The following C8B variants were observed in gnomAD, a reference collection of about 807,000 sequenced individuals.
C8B encodes complement component C8 beta chain.
Under a neutral mutation model 64.6 loss-of-function variants are expected in C8B, and 67 were observed. That is an observed-to-expected ratio of 1.04 (90% CI 0.85 to 1.27). The LOEUF (loss-of-function observed/expected upper bound fraction) is 1.27. Among genes scored for constraint, C8B ranks in the 50% most tolerant of loss-of-function variants. The pLI, the probability that C8B is intolerant of heterozygous loss-of-function variation, is 0.00. For synonymous variants in C8B, 284 were observed against 257.7 expected (o/e 1.10, Z -0.98); for missense variants, 790 against 725.2 (o/e 1.09, Z -1.03).
In C8B at chr1:56,965,825, T is replaced by C. The variant is rs760099916; in HGVS notation, c.92+32A>G. 1.1e-5 allele frequency: 18 copies of C among 1,605,916 alleles called. 1 individual carries two copies. In the South Asian group the frequency reaches 2.0e-4, roughly 18 times the overall value. On this transcript the variant is annotated intron_variant, in intron 1 of 11. Transcript: ENST00000371237. ...GGCTGCACCTTCCCTGTCATATTAT[T>C]GATCAGGGAATTATTGGTAACTGTC...
chr1:56,938,482 ATCT>A (rs1336869015), intron 9 of C8B, among the ~76,000 whole-genome samples: 1 of 152,188 alleles, frequency 6.6e-6, no homozygotes. Context: ...GTATTCTAAA[ATCT>A]TCTTCTATTT....
rs116348786 is a variant in C8B at position 56,940,840 on chromosome 1, G to T, written c.1398+9C>A. 2 of 1,613,836 alleles carry T rather than the reference G, an allele frequency of 1.2e-6. No homozygotes were observed. Among genetic ancestry groups the T allele is most frequent in the Non-Finnish European group, 1.7e-6 (2 of 1,179,948 alleles). ...TGGAGGAAAGGATGGGTAGAGCAGC[G>T]TTGTGTACCTTAACTTTGATGATGG... On this transcript the variant is annotated intron_variant, in intron 9 of 11. Transcript: ENST00000371237.
intron 7 of C8B, 132 bp downstream of exon 7, chr1:56,945,689 A>G (rs1644930050): frequency 8.5e-7 from 1 of 1,169,900 alleles, no homozygotes; most frequent in African/African-American, 1.5e-5. Context: ...TTGTCAATCA[A>G]AAAGAAGAGG....
Position 56,954,775 on chromosome 1 carries a change from G to C in C8B, c.444C>G (p.Asp148Glu), listed in dbSNP as rs151302643. ...LLCNGDNDCG[D>E]QSDEANCRRI... Reference sequence around the variant, plus strand: ...TTCTACAGTTTGCTTCATCTGACTGGTCTCCACAGTCATTGTCCCCATTGC... The same window carrying C: ...TTCTACAGTTTGCTTCATCTGACTGCTCTCCACAGTCATTGTCCCCATTGC... The change falls in exon 4 of 12, where the codon GAC (aspartate) becomes GAG (glutamate). Residue 148 changes from aspartate (D) to glutamate (E), a missense_variant. By Grantham distance (45) the Asp-to-Glu change is conservative (BLOSUM62 2). Transcript: ENST00000371237. 91 of 1,613,714 alleles carry C rather than the reference G, an allele frequency of 5.6e-5. No homozygotes were observed. Among genetic ancestry groups the C allele is most frequent in the Non-Finnish European group, 7.6e-5 (90 of 1,179,790 alleles).
At chr1:56,944,407 C>A (rs1246333663) in intron 7 of C8B, among the ~76,000 whole-genome samples, 1 of 152,164 alleles carries the variant, frequency 6.6e-6, no homozygotes, top group Non-Finnish European at 1.5e-5. Flanking sequence ...TTATAAGCAC[C>A]TCTCTAAGCA....
intron 7 of C8B, among the ~76,000 whole-genome samples, chr1:56,944,416 C>A (rs1473207861): frequency 1.3e-5 from 2 of 152,186 alleles, no homozygotes; most frequent in Non-Finnish European, 2.9e-5. Context: ...CCTCTCTAAG[C>A]ACTCTGAGGC....
chr1:56,963,199 C>T (rs1645202813), intron 1 of C8B, among the ~76,000 whole-genome samples: 1 of 152,148 alleles, frequency 6.6e-6, no homozygotes. Context: ...GTCTCCCACT[C>T]TTTTCCTAAC....
At chr1:56,950,598 T>G (rs1282627402) in intron 5 of C8B, among the ~76,000 whole-genome samples, 1 of 152,134 alleles carries the variant, frequency 6.6e-6, no homozygotes, top group Non-Finnish European at 1.5e-5. Context: ...GTGCAACAGC[T>G]CAGCCGCTAC....
intron 7 of C8B, 37 bp from the exon 8 acceptor site, chr1:56,943,861 G>C (rs1275185190): frequency 1.6e-5 from 26 of 1,611,640 alleles, no homozygotes; most frequent in Non-Finnish European, 2.0e-5. Context: ...TGACGTAAAA[G>C]GTAGTTCACT....
intron 10 of C8B, among the ~76,000 whole-genome samples, chr1:56,932,899 G>A (rs867541979): frequency 4.6e-5 from 7 of 152,180 alleles, no homozygotes; most frequent in Middle Eastern, 6.8e-3. Flanking sequence ...AGGAGCATAA[G>A]ATCCCAGGCT....
Position 56,959,491 on chromosome 1 carries a change from G to A in C8B, c.249+529C>T, listed in dbSNP as rs536850923. 35 of 1,202,752 alleles carry A rather than the reference G, an allele frequency of 2.9e-5. 1 individual carries two copies. The South Asian group carries it at 4.3e-4, about 15-fold the overall frequency. 74.5% of individuals were successfully genotyped at this position (1,202,752 alleles called of 1,614,324 possible). A position where few individuals can be genotyped will look rare whatever the true frequency, so the allele number is the denominator to read the frequency against. ...AGTAGGAGTTTCAAATTGTGAGTAG[G>A]TGTTCACCAGTGAAGGAAGTGGGAA... is the stretch of plus-strand genomic sequence containing the variant. On this transcript the variant is annotated intron_variant, in intron 2 of 11. Coordinates refer to ENST00000371237, the MANE Select transcript of C8B (RefSeq NM_000066.4).
chr1:56,947,721 G>A (rs1018603926), intron 6 of C8B, among the ~76,000 whole-genome samples: 8 of 152,144 alleles, frequency 5.3e-5, no homozygotes, highest in Admixed American at 6.5e-5. Flanking sequence ...CATGAGGTCA[G>A]TAGATCAAGA....
At chr1:56,954,970 G>C (rs955787052) in intron 3 of C8B, 143 bp from the exon 4 acceptor site, 2 of 937,596 alleles carry the variant, frequency 2.1e-6, no homozygotes, top group African/African-American at 3.2e-5. Context: ...TATCCAGATA[G>C]ATTGGTTATG....
At chr1:56,930,965 G>T (rs1422191076) in intron 11 of C8B, among the ~76,000 whole-genome samples, 1 of 152,118 alleles carries the variant, frequency 6.6e-6, no homozygotes, top group Non-Finnish European at 1.5e-5. Flanking sequence ...GCATAAAGAG[G>T]TCAAGTATCT....
Position 56,929,503 on chromosome 1 carries a change from T to C in C8B, c.1677A>G (p.Gly559=). ...NCWSNWSSCS[G]RRKTRQRQCN... is the part of the protein sequence containing the mutation. ...ACTGCCTTTGTCTTGTCTTACGTCT[T>C]CCAGAGCATGAAGACCAATTTGACC... is the stretch of plus-strand genomic sequence containing the variant. The change falls in exon 12 of 12, where the codon GGA becomes GGG. Residue 559 remains glycine (G), a synonymous_variant. Coordinates refer to ENST00000371237, the MANE Select transcript of C8B (RefSeq NM_000066.4). The C allele has an allele frequency of 1.2e-6, 2 of 1,613,836 alleles. No individual in the cohort carries two copies. Among genetic ancestry groups the C allele is most frequent in the South Asian group, 2.2e-5 (2 of 91,068 alleles).
intron 8 of C8B, among the ~76,000 whole-genome samples, chr1:56,941,893 C>A (rs947198024): frequency 6.6e-6 from 1 of 152,244 alleles, no homozygotes; most frequent in African/African-American, 2.4e-5. Context: ...ACCCTACACA[C>A]CTTGACCAGG....
intron 1 of C8B, among the ~76,000 whole-genome samples, chr1:56,961,185 G>A (rs1417051898): frequency 2.0e-5 from 3 of 152,154 alleles, no homozygotes; most frequent in African/African-American, 7.2e-5. Context: ...AAGTGTGTAT[G>A]ATGATTCTTA....
intron 9 of C8B, among the ~76,000 whole-genome samples, chr1:56,940,412 A>G (rs968564746): frequency 3.3e-5 from 5 of 151,910 alleles, no homozygotes; most frequent in African/African-American, 9.7e-5. Flanking sequence ...AAAAAAAAAA[A>G]AAATTTAATT....
At chr1:56,937,894 C>A (rs930672708) in intron 9 of C8B, among the ~76,000 whole-genome samples, 1 of 152,186 alleles carries the variant, frequency 6.6e-6, no homozygotes. Flanking sequence ...TCCTTCAAGA[C>A]TCCTCAGTTG....
Sources: allele counts gnomAD v4.1 joint callset (sites outside exome capture counted in the v4.1 genomes callset), GRCh38; gene constraint gnomAD v4.1.1; transcripts MANE v1.5; gene names NCBI Gene and HGNC (gene_info 2026-07-23, HGNC 2026-07-21).